WWOX: variants seen among roughly 807,000 people sequenced by gnomAD.
WWOX encodes the protein WW domain containing oxidoreductase.
In WWOX, 69 loss-of-function variants were observed where a neutral mutation model predicts 46.2. The ratio of observed to expected loss-of-function variants is 1.49; its 90% CI spans 1.23 to 1.82. WWOX has a LOEUF of 1.82. Ranked by LOEUF, WWOX falls within the 40% of genes most tolerant of loss-of-function variation. The pLI is 0.00. For missense variants in WWOX, 919 were observed against 542.6 expected, an observed-to-expected ratio of 1.69 and a Z score of -6.89; for synonymous variants, 359 against 202.6, an observed-to-expected ratio of 1.77 and a Z score of -6.56.
chr16:78,763,389 T>C (rs556066943), intron 8 of WWOX, among the ~76,000 whole-genome samples: 1 of 152,374 alleles, frequency 6.6e-6, no homozygotes, highest in East Asian at 1.9e-4. Flanking sequence ...CAGAACTCAT[T>C]GAATACCTGC....
chr16:78,486,866 C>A (rs1397615924), intron 8 of WWOX, among the ~76,000 whole-genome samples: 1 of 152,214 alleles, frequency 6.6e-6, no homozygotes, highest in African/African-American at 2.4e-5. Flanking sequence ...GCCACCGCCC[C>A]CGACCATTGT....
At chr16:78,559,468 G>C (rs1483472138) in intron 8 of WWOX, among the ~76,000 whole-genome samples, 3 of 150,582 alleles carry the variant, frequency 2.0e-5, no homozygotes, top group East Asian at 1.9e-4. Flanking sequence ...ATGTTCTCCA[G>C]CCAATGGATT....
intron 8 of WWOX, among the ~76,000 whole-genome samples, chr16:78,967,943 C>T (rs1167713669): frequency 6.6e-6 from 1 of 152,186 alleles, no homozygotes; most frequent in Non-Finnish European, 1.5e-5. Flanking sequence ...TCCTCACCCC[C>T]AGTTCTGTGT....
Position 79,212,014 on chromosome 16 carries a change from G to C in WWOX, c.*218G>C, listed in dbSNP as rs538055235. 13 of 1,536,240 alleles carry C rather than the reference G, an allele frequency of 8.5e-6. No individual in the cohort carries two copies. The highest frequency in any genetic ancestry group is 1.1e-5 in the Non-Finnish European group (13 of 1,146,932). On this transcript the variant is annotated 3_prime_UTR_variant, in exon 9 of 9. Coordinates refer to ENST00000566780, the MANE Select transcript of WWOX (RefSeq NM_016373.4). ...TTTTCTGGGGCTGGGCTAGGCATAGGTCTCTTTGCTTTCTGGTGGTGGCCT... is the reference window on the plus strand; with the variant it reads ...TTTTCTGGGGCTGGGCTAGGCATAGCTCTCTTTGCTTTCTGGTGGTGGCCT...
intron 8 of WWOX, among the ~76,000 whole-genome samples, chr16:78,705,546 C>T (rs942417812): frequency 6.6e-6 from 1 of 152,198 alleles, no homozygotes; most frequent in East Asian, 1.9e-4. Context: ...TGGCTCTGCT[C>T]TTAGCCTGCA....
At position 78,280,113 on chromosome 16, in the gene WWOX, A is replaced by G. The variant is rs189136264; in HGVS notation, c.517-106747A>G. On this transcript the variant is annotated intron_variant, in intron 5 of 8. Transcript: ENST00000566780. The stretch of plus-strand genomic sequence containing the variant: ...AGCTAATCATGGCAGGCTCTACCCA[A>G]CTGGGGGAACAATTTAGCTGTTGTG... 5.4e-3 allele frequency among the ~76,000 whole-genome samples: 830 copies of G among 152,346 alleles called. 3 individuals carry two copies. Among genetic ancestry groups the G allele is most frequent in the Non-Finnish European group, 9.7e-3 (657 of 68,022 alleles).
In WWOX at chr16:78,596,149, AAAAC is replaced by A. The variant is rs199728222; in HGVS notation, c.1056+163401_1056+163404del. Among the ~76,000 whole-genome samples the A allele has an allele frequency of 8.6e-3, 1,317 of 152,258 alleles. 14 individuals are homozygous for A. The highest frequency in any genetic ancestry group is 0.029 in the African/African-American group (1,220 of 41,564). ...TTATTTTTTTAATGTGAAAGAATAT[AAAAC>A]AAAATACGATATTATCTTTTGAGTG... On this transcript the variant is annotated intron_variant, in intron 8 of 8. Transcript: ENST00000566780.
At chr16:78,467,499 A>T (rs553716782) in intron 8 of WWOX, among the ~76,000 whole-genome samples, 1 of 152,256 alleles carries the variant, frequency 6.6e-6, no homozygotes, top group African/African-American at 2.4e-5. Context: ...TTGTTCTTTT[A>T]TTGTTTATTG....
At chr16:78,887,475 A>AATGAAGG (rs1304649471) in intron 8 of WWOX, among the ~76,000 whole-genome samples, 6 of 17,526 alleles carry the variant, frequency 3.4e-4, no homozygotes, top group Non-Finnish European at 1.1e-3. Context: ...TAAAACACAC[A>AATGAAGG]CACACACACA....
chr16:78,914,888 A>G (rs1270320899), intron 8 of WWOX, among the ~76,000 whole-genome samples: 1 of 150,024 alleles, frequency 6.7e-6, no homozygotes, highest in Non-Finnish European at 1.5e-5. Flanking sequence ...CAGAAAAAAA[A>G]AAAAAAAAAA....
chr16:78,425,150 C>A (rs1386318149), intron 7 of WWOX, 95 bp downstream of exon 7: 4 of 1,529,954 alleles, frequency 2.6e-6, no homozygotes, highest in African/African-American at 1.4e-5. Context: ...TTTCATTAGT[C>A]CTGCTTGAGA....
At chr16:78,693,109 G>C (rs536235282) in intron 8 of WWOX, among the ~76,000 whole-genome samples, 1 of 152,334 alleles carries the variant, frequency 6.6e-6, no homozygotes, top group East Asian at 1.9e-4. Context: ...GGTTCAGCAA[G>C]ATGCTTGTAA....
intron 8 of WWOX, among the ~76,000 whole-genome samples, chr16:78,819,430 C>T (rs569267274): frequency 6.6e-6 from 1 of 152,350 alleles, no homozygotes; most frequent in East Asian, 1.9e-4. Context: ...GTTACTGCCC[C>T]TTTCCATGAC....
chr16:78,609,506 C>T (rs986929603), intron 8 of WWOX, among the ~76,000 whole-genome samples: 1 of 151,384 alleles, frequency 6.6e-6, no homozygotes, highest in South Asian at 2.1e-4. Flanking sequence ...GGTCAAGTCA[C>T]ATGCCTCTGA....
chr16:78,333,907 T>C (rs1393438577), intron 5 of WWOX, among the ~76,000 whole-genome samples: 2 of 151,384 alleles, frequency 1.3e-5, no homozygotes, highest in African/African-American at 4.9e-5. Flanking sequence ...AGAAAAGGTA[T>C]CATCTCCTCC....
At chr16:78,691,867 G>A (rs1188822044) in intron 8 of WWOX, among the ~76,000 whole-genome samples, 1 of 152,188 alleles carries the variant, frequency 6.6e-6, no homozygotes, top group Non-Finnish European at 1.5e-5. Context: ...ATTCCCACAT[G>A]TTGTGGGAGG....
At chr16:78,929,652 G>A (rs971217231) in intron 8 of WWOX, among the ~76,000 whole-genome samples, 1 of 152,116 alleles carries the variant, frequency 6.6e-6, no homozygotes, top group Admixed American at 6.6e-5. Flanking sequence ...TTGGGATGGC[G>A]ACTAAAGACC....
At chr16:78,612,427 C>T (rs937865932) in intron 8 of WWOX, among the ~76,000 whole-genome samples, 1 of 152,190 alleles carries the variant, frequency 6.6e-6, no homozygotes, top group African/African-American at 2.4e-5. Flanking sequence ...ATCTGGGGCC[C>T]AGCCTTTTCT....
intron 5 of WWOX, among the ~76,000 whole-genome samples, chr16:78,312,431 G>A (rs977566406): frequency 2.1e-5 from 3 of 145,102 alleles, no homozygotes; most frequent in Non-Finnish European, 4.5e-5. Context: ...AGGCTGGAGT[G>A]CAATGGCATG....
Sources: allele counts gnomAD v4.1 joint callset (sites outside exome capture counted in the v4.1 genomes callset), GRCh38; gene constraint gnomAD v4.1.1; transcripts MANE v1.5; gene names NCBI Gene and HGNC (gene_info 2026-07-23, HGNC 2026-07-21).